CPE: variants seen among roughly 807,000 people sequenced by gnomAD.
The protein encoded by CPE is carbocypeptidase E.
In CPE, 17 loss-of-function variants were observed where a neutral mutation model predicts 53.5. That is an observed-to-expected ratio of 0.32 (90% CI 0.22 to 0.48). The LOEUF is 0.48. Among genes scored for constraint, CPE ranks in the 20% least tolerant of loss-of-function variants. The probability of loss-of-function intolerance (pLI) is 0.99; values close to 1 mark genes in which losing one functional copy is unlikely to be tolerated. For missense variants in CPE, 524 were observed against 614.7 expected, an observed-to-expected ratio of 0.85 and a Z score of 1.56; for synonymous variants, 226 against 228.8, an observed-to-expected ratio of 0.99 and a Z score of 0.11.
At chr4:165,399,506 G>T (rs1170587809) in intron 1 of CPE, among the ~76,000 whole-genome samples, 3 of 152,036 alleles carry the variant, frequency 2.0e-5, no homozygotes, top group African/African-American at 7.2e-5. Context: ...TGAGTAGCTG[G>T]GACTACAGGC....
chr4:165,449,402 G>T lies in CPE; in HGVS notation c.308-14988G>T, dbSNP rs1189023625. 3.9e-5 allele frequency among the ~76,000 whole-genome samples: 6 copies of T among 152,266 alleles called. No individual in the cohort carries two copies. The South Asian group carries it at 1.0e-3, about 26-fold the overall frequency. On this transcript the variant is annotated intron_variant, in intron 1 of 8. Coordinates refer to ENST00000402744, the MANE Select transcript of CPE (RefSeq NM_001873.4). ...TGAATCCCGGTTTATTTTAGGAGGG[G>T]CCTAATTTTTTGTGTGACTCCTGTT...
At chr4:165,444,366 A>C (rs1341252683) in intron 1 of CPE, among the ~76,000 whole-genome samples, 1 of 152,136 alleles carries the variant, frequency 6.6e-6, no homozygotes, top group Non-Finnish European at 1.5e-5. Flanking sequence ...AACTAATTAG[A>C]AAAAGATATC....
intron 1 of CPE, among the ~76,000 whole-genome samples, chr4:165,442,353 A>AT (rs1373394634): frequency 1.3e-5 from 2 of 152,110 alleles, no homozygotes; most frequent in Middle Eastern, 3.2e-3. Flanking sequence ...CTAGCAAAAC[A>AT]TTGAGTTTTT....
intron 1 of CPE, among the ~76,000 whole-genome samples, chr4:165,385,288 G>C (rs961114038): frequency 1.7e-4 from 26 of 152,110 alleles, no homozygotes; most frequent in African/African-American, 5.1e-4. Context: ...CACTCATTTA[G>C]AGTAGGCACT....
intron 1 of CPE, among the ~76,000 whole-genome samples, chr4:165,458,454 A>G (rs1047985701): frequency 6.6e-6 from 1 of 152,198 alleles, no homozygotes; most frequent in African/African-American, 2.4e-5. Context: ...GTGCACCTAT[A>G]TTTTGGCAAA....
At chr4:165,414,147 T>C (rs1731085400) in intron 1 of CPE, among the ~76,000 whole-genome samples, 1 of 152,204 alleles carries the variant, frequency 6.6e-6, no homozygotes, top group Non-Finnish European at 1.5e-5. Context: ...GGCTATGTAA[T>C]TCATATTTTA....
intron 1 of CPE, among the ~76,000 whole-genome samples, chr4:165,407,312 T>G (rs1730968578): frequency 6.6e-6 from 1 of 152,220 alleles, no homozygotes; most frequent in Non-Finnish European, 1.5e-5. Flanking sequence ...TTTGATGTTG[T>G]TTTGATTTGC....
intron 8 of CPE, among the ~76,000 whole-genome samples, chr4:165,495,949 A>G (rs113725487): frequency 9.2e-5 from 14 of 152,350 alleles, no homozygotes; most frequent in African/African-American, 3.1e-4. Flanking sequence ...TTCCATCTCA[A>G]TGGGATTATG....
At chr4:165,462,587 C>T (rs1203488597) in intron 1 of CPE, among the ~76,000 whole-genome samples, 1 of 152,136 alleles carries the variant, frequency 6.6e-6, no homozygotes, top group Admixed American at 6.6e-5. Flanking sequence ...ATGAATACAT[C>T]ACATAAATGA....
At chr4:165,394,046 G>T (rs1195276436) in intron 1 of CPE, among the ~76,000 whole-genome samples, 1 of 152,132 alleles carries the variant, frequency 6.6e-6, no homozygotes, top group Non-Finnish European at 1.5e-5. Context: ...GGTATGTAGA[G>T]AGTCAGAGGG....
intron 4 of CPE, among the ~76,000 whole-genome samples, chr4:165,483,196 G>A (rs1021263078): frequency 7.9e-5 from 12 of 152,094 alleles, no homozygotes; most frequent in African/African-American, 2.4e-4. Flanking sequence ...CCATCTTAAT[G>A]TCCAGGTACA....
At chr4:165,448,195 G>C (rs1731748804) in intron 1 of CPE, among the ~76,000 whole-genome samples, 1 of 152,278 alleles carries the variant, frequency 6.6e-6, no homozygotes, top group Non-Finnish European at 1.5e-5. Flanking sequence ...GAGAGGAAAG[G>C]AGATTATGAA....
intron 5 of CPE, among the ~76,000 whole-genome samples, chr4:165,486,419 G>T (rs1347376005): frequency 6.6e-6 from 1 of 152,034 alleles, no homozygotes; most frequent in Admixed American, 6.6e-5. Flanking sequence ...TCAACTCAGG[G>T]ATTGTTGAAT....
At chr4:165,485,930 A>T (rs531798896) in intron 5 of CPE, among the ~76,000 whole-genome samples, 150 of 152,248 alleles carry the variant, frequency 9.9e-4, no homozygotes, top group Non-Finnish European at 2.0e-3. Flanking sequence ...CCTGTAGGGA[A>T]GTGAGGGAAG....
rs529436975 is a variant in CPE at position 165,407,571 on chromosome 4, G to A, written c.307+28043G>A. Reference sequence around the variant, plus strand: ...TTTTTTCTTTTTTTTTTTTTGAGATGGAGTCTCACTCTGTTGCCCAGGCTG... The same window carrying A: ...TTTTTTCTTTTTTTTTTTTTGAGATAGAGTCTCACTCTGTTGCCCAGGCTG... On this transcript the variant is annotated intron_variant, in intron 1 of 8. Coordinates refer to ENST00000402744, the MANE Select transcript of CPE (RefSeq NM_001873.4). Among the ~76,000 whole-genome samples, 63 of 148,858 alleles carry A rather than the reference G, an allele frequency of 4.2e-4. 2 individuals are homozygous for A. The highest frequency in any genetic ancestry group is 1.5e-3 in the African/African-American group (62 of 40,368).
chr4:165,493,932 G>A (rs748051450), intron 7 of CPE, among the ~76,000 whole-genome samples: 1 of 152,056 alleles, frequency 6.6e-6, no homozygotes, highest in Admixed American at 6.5e-5. Context: ...GTCATTTGTT[G>A]GGATCTTTTC....
rs1420431765 is a variant in CPE, at chr4:165,451,737, G to A, written c.308-12653G>A. 3.9e-5 allele frequency among the ~76,000 whole-genome samples: 6 copies of A among 152,070 alleles called. No homozygotes were observed. In the East Asian group the frequency reaches 9.7e-4, roughly 25 times the overall value. Reference sequence around the variant, plus strand: ...AAACTCCTGACCTTGTGATCCACCCGCCTCGGCCTCCCAAAGTGCTGGGAT... The same window carrying A: ...AAACTCCTGACCTTGTGATCCACCCACCTCGGCCTCCCAAAGTGCTGGGAT... On this transcript the variant is annotated intron_variant, in intron 1 of 8. Coordinates refer to ENST00000402744, the MANE Select transcript of CPE (RefSeq NM_001873.4).
chr4:165,392,141 C>A (rs932585423), intron 1 of CPE, among the ~76,000 whole-genome samples: 29 of 149,552 alleles, frequency 1.9e-4, no homozygotes, highest in African/African-American at 7.1e-4. Flanking sequence ...CTCATCAAGA[C>A]GGTAAAACTA....
chr4:165,420,577 T>G (rs1731192263), intron 1 of CPE, among the ~76,000 whole-genome samples: 1 of 150,832 alleles, frequency 6.6e-6, no homozygotes. Flanking sequence ...CTGTTTTTTT[T>G]CTGAGTGTAC....
Sources: gnomAD v4.1 joint callset for allele counts (sites outside exome capture counted in the v4.1 genomes callset) on GRCh38, gnomAD v4.1.1 for gene constraint, MANE v1.5 for transcripts, NCBI Gene and HGNC (gene_info 2026-07-23, HGNC 2026-07-21) for gene names.